The following DENND1A variants were observed in gnomAD, a reference collection of about 807,000 sequenced individuals.
DENND1A encodes DENN domain-containing protein 1A.
A neutral mutation model predicts 113.7 loss-of-function variants in DENND1A; 51 were observed. The ratio of observed to expected loss-of-function variants is 0.45; its 90% CI spans 0.36 to 0.57. The LOEUF (loss-of-function observed/expected upper bound fraction) is 0.57, where lower values mean the gene tolerates loss of function less well. Among genes scored for constraint, DENND1A ranks in the 20% least tolerant of loss-of-function variants. The pLI, the probability that DENND1A is intolerant of heterozygous loss-of-function variation, is 0.00. For synonymous variants in DENND1A, 565 were observed against 570.8 expected, an observed-to-expected ratio of 0.99 and a Z score of 0.14; for missense variants, 1,258 against 1,395.9, an observed-to-expected ratio of 0.90 and a Z score of 1.57.
intron 18 of DENND1A, among the ~76,000 whole-genome samples, chr9:123,447,445 C>G (rs4142961): frequency 0.99 from 150,766 of 152,326 alleles, 74,632 homozygotes; most frequent in Middle Eastern, 1. Flanking sequence ...AATGAACAAG[C>G]GTTGGAGAAG....
At chr9:123,618,060 C>T (rs1242012462) in intron 10 of DENND1A, among the ~76,000 whole-genome samples, 1 of 152,204 alleles carries the variant, frequency 6.6e-6, no homozygotes, top group South Asian at 2.1e-4. Flanking sequence ...CCATTCATCA[C>T]GTTTTAAAGG....
intron 9 of DENND1A, among the ~76,000 whole-genome samples, chr9:123,646,343 A>G (rs533866370): frequency 6.6e-6 from 1 of 152,132 alleles, no homozygotes; most frequent in Admixed American, 6.5e-5. Context: ...TAAATAGGTA[A>G]CTCTCTTGAG....
At chr9:123,465,307 G>A (rs992375254) in intron 13 of DENND1A, among the ~76,000 whole-genome samples, 4 of 109,062 alleles carry the variant, frequency 3.7e-5, no homozygotes, top group African/African-American at 1.3e-4. Flanking sequence ...TTTTGTCTTT[G>A]ATTTTTTTTT....
intron 5 of DENND1A, among the ~76,000 whole-genome samples, chr9:123,696,585 CA>C (rs947561956): frequency 6.6e-6 from 1 of 151,916 alleles, no homozygotes; most frequent in African/African-American, 2.4e-5. Flanking sequence ...AATCTTAAAC[CA>C]AAATTTAACA....
intron 12 of DENND1A, among the ~76,000 whole-genome samples, chr9:123,574,499 C>A (rs2058530748): frequency 6.6e-6 from 1 of 152,086 alleles, no homozygotes; most frequent in Non-Finnish European, 1.5e-5. Flanking sequence ...TAAAGTTATT[C>A]ATAATACTCC....
intron 18 of DENND1A, 130 bp from the exon 19 acceptor site, chr9:123,440,621 T>C (rs1181516791): frequency 8.4e-7 from 1 of 1,195,062 alleles, no homozygotes; most frequent in Non-Finnish European, 1.1e-6. Context: ...TTGATGAAGA[T>C]GGAGGGAATG....
At chr9:123,451,706 A>C (rs902698301) in intron 17 of DENND1A, among the ~76,000 whole-genome samples, 1 of 152,234 alleles carries the variant, frequency 6.6e-6, no homozygotes, top group Non-Finnish European at 1.5e-5. Context: ...GCAGCCACCT[A>C]GTCTACATTT....
intron 5 of DENND1A, among the ~76,000 whole-genome samples, chr9:123,699,556 A>G (rs1052504256): frequency 9.9e-5 from 15 of 152,016 alleles, no homozygotes; most frequent in African/African-American, 3.6e-4. Context: ...CTCTGAAATA[A>G]TAAGATAATT....
chr9:123,461,360 G>T (rs1421807010), intron 13 of DENND1A, among the ~76,000 whole-genome samples: 3 of 152,188 alleles, frequency 2.0e-5, no homozygotes, highest in Non-Finnish European at 4.4e-5. Context: ...GAAGCTCAGG[G>T]ATGCTGGTTA....
chr9:123,485,689 C>CACACACACAG (rs1344024675), intron 13 of DENND1A: 12 of 148,948 alleles, frequency 8.1e-5, no homozygotes, highest in African/African-American at 2.9e-4. Context: ...CACACACACA[C>CACACACACAG]ACGCAGTGTG....
At chr9:123,829,180 G>A (rs2132734386) in intron 2 of DENND1A, among the ~76,000 whole-genome samples, 1 of 152,242 alleles carries the variant, frequency 6.6e-6, no homozygotes, top group South Asian at 2.1e-4. Flanking sequence ...AGATCCTATA[G>A]GAAGTTATGA....
chr9:123,844,168 A>G (rs1842238141), intron 2 of DENND1A, among the ~76,000 whole-genome samples: 1 of 152,194 alleles, frequency 6.6e-6, no homozygotes, highest in East Asian at 1.9e-4. Context: ...GAAGAAAAGA[A>G]TATTCATTTC....
At chr9:123,532,659 G>A (rs2055417370) in intron 13 of DENND1A, among the ~76,000 whole-genome samples, 1 of 152,084 alleles carries the variant, frequency 6.6e-6, no homozygotes, top group Non-Finnish European at 1.5e-5. Context: ...AATCTACATT[G>A]GGAAACCTAG....
chr9:123,496,089 A>G (rs995894321), intron 13 of DENND1A, among the ~76,000 whole-genome samples: 6 of 152,254 alleles, frequency 3.9e-5, no homozygotes, highest in African/African-American at 1.4e-4. Context: ...CTGACAGCCA[A>G]TTAATATACC....
chr9:123,393,484 C>G (rs948952957), intron 21 of DENND1A, among the ~76,000 whole-genome samples: 16 of 151,946 alleles, frequency 1.1e-4, no homozygotes, highest in African/African-American at 3.6e-4. Context: ...ATTGCTTCAG[C>G]CCAGGAGTTC....
At chr9:123,759,981 A>G (rs1470418052) in intron 4 of DENND1A, among the ~76,000 whole-genome samples, 1 of 152,204 alleles carries the variant, frequency 6.6e-6, no homozygotes. Flanking sequence ...AAAGAAGAAA[A>G]GAGTTTTTTC....
chr9:123,925,315 CCTAT>C (rs777901893), intron 1 of DENND1A, among the ~76,000 whole-genome samples: 7 of 152,126 alleles, frequency 4.6e-5, no homozygotes, highest in Non-Finnish European at 7.4e-5. Context: ...ACCACCCCTA[CCTAT>C]CTCTCAGCTG....
intron 8 of DENND1A, among the ~76,000 whole-genome samples, chr9:123,653,678 T>C (rs1387653488): frequency 6.6e-6 from 1 of 152,066 alleles, no homozygotes; most frequent in Non-Finnish European, 1.5e-5. Context: ...ATGCTCTTTT[T>C]ATTCCACACA....
intron 12 of DENND1A, among the ~76,000 whole-genome samples, chr9:123,566,942 A>ACACACAAAC: frequency 1.4e-5 from 1 of 73,108 alleles, no homozygotes; most frequent in East Asian, 3.1e-4. Context: ...CACACACACA[A>ACACACAAAC]ACACACACAC....
Sources: gnomAD v4.1 joint callset for allele counts (sites outside exome capture counted in the v4.1 genomes callset) on GRCh38, gnomAD v4.1.1 for gene constraint, MANE v1.5 for transcripts, NCBI Gene and HGNC (gene_info 2026-07-23, HGNC 2026-07-21) for gene names.